USP2: variants seen among roughly 807,000 people sequenced by gnomAD.
USP2 encodes ubiquitin specific peptidase 2, also known as ubiquitin carboxyl-terminal hydrolase 2.
In USP2, 33 loss-of-function variants were observed where a neutral mutation model predicts 72.0. That is an observed-to-expected ratio of 0.46 (90% CI 0.35 to 0.61). The LOEUF is 0.61. USP2 is among the 20% of genes least tolerant of loss of function. USP2 has a pLI of 0.01. For synonymous variants in USP2, 296 were observed against 312.5 expected (o/e 0.95, Z 0.56); for missense variants, 691 against 797.8 (o/e 0.87, Z 1.61).
intron 1 of USP2, among the ~76,000 whole-genome samples, chr11:119,375,049 T>C (rs1196984989): frequency 6.6e-6 from 1 of 152,130 alleles, no homozygotes; most frequent in African/African-American, 2.4e-5. Context: ...TGTGATAATA[T>C]CAGGGCTGGC....
chr11:119,357,605 A>G lies in USP2; in HGVS notation c.1502-15T>C. 2 of 1,614,170 alleles carry G rather than the reference A, an allele frequency of 1.2e-6. No homozygotes were observed. Among genetic ancestry groups the G allele is most frequent in the Non-Finnish European group, 1.7e-6 (2 of 1,180,036 alleles). On this transcript the variant is annotated splice_polypyrimidine_tract_variant and intron_variant, in intron 10 of 12. Coordinates refer to ENST00000260187, the MANE Select transcript of USP2 (RefSeq NM_004205.5). ...CCGCTTCAGATCTGGCATTGACGTG[A>G]GTCAAGGATAGTCAAACCAATGCAG...
In USP2 at chr11:119,360,229, A is replaced by G; in HGVS notation, c.780T>C (p.Ser260=). The change falls in exon 3 of 13, where the codon TCT becomes TCC. Residue 260 remains serine (S), a synonymous_variant. Transcript: ENST00000260187. ...GACCAGCCAGACCCTGGGCACTCTT[A>G]GAATTCTGTAAGCAAAGAACATATG... is the stretch of plus-strand genomic sequence containing the variant. The part of the protein sequence containing the change: ...SSSPGRDGMN[S]KSAQGLAGLR... 6.2e-7 allele frequency: 1 copy of G among 1,614,008 alleles called. No homozygotes were observed. Among genetic ancestry groups the G allele is most frequent in the Non-Finnish European group, 8.5e-7 (1 of 1,179,970 alleles).
In USP2 at chr11:119,357,805, A is replaced by G; in HGVS notation, c.1453T>C (p.Cys485Arg). Residue 485 changes from cysteine (C) to arginine (R), a missense_variant, in exon 10 of 13, where the codon TGT becomes CGT. Coordinates refer to ENST00000260187, the MANE Select transcript of USP2 (RefSeq NM_004205.5). Reference protein sequence around the residue: ...TCCRCRGRKRCIKKFSIQRFP... With the variant: ...TCCRCRGRKRRIKKFSIQRFP... The stretch of plus-strand genomic sequence containing the variant: ...CTCTGGATGGAGAACTTCTTTATAC[A>G]CCGTTTTCTGCCTCGGCAGCGACAG... 2 of 1,613,900 alleles carry G rather than the reference A, an allele frequency of 1.2e-6. No homozygotes were observed. Among genetic ancestry groups the G allele is most frequent in the Non-Finnish European group, 8.5e-7 (1 of 1,180,008 alleles).
intron 2 of USP2, among the ~76,000 whole-genome samples, chr11:119,364,991 C>T (rs1016109864): frequency 1.3e-5 from 2 of 152,082 alleles, no homozygotes; most frequent in Non-Finnish European, 2.9e-5. Flanking sequence ...TGGCATGGGG[C>T]GAGTGTTCTA....
chr11:119,369,140 C>G (rs1036778021), intron 2 of USP2, among the ~76,000 whole-genome samples: 1 of 152,132 alleles, frequency 6.6e-6, no homozygotes, highest in African/African-American at 2.4e-5. Flanking sequence ...CACTGTTCCT[C>G]CTCTCTGCAT....
chr11:119,365,893 G>GTTTTTT (rs1317666327), intron 2 of USP2, among the ~76,000 whole-genome samples: 1 of 131,266 alleles, frequency 7.6e-6, no homozygotes, highest in African/African-American at 2.8e-5. Context: ...TATTTTATTT[G>GTTTTTT]TTTTGTTTTT....
At chr11:119,376,786 G>A (rs1246059888) in intron 1 of USP2, among the ~76,000 whole-genome samples, 1 of 152,262 alleles carries the variant, frequency 6.6e-6, no homozygotes, top group Non-Finnish European at 1.5e-5. Context: ...GGCATGTTGA[G>A]TACTTCACAT....
rs199985069 is a variant in USP2 at position 119,372,885 on chromosome 11, A to T, written c.596T>A (p.Leu199Gln). The change falls in exon 2 of 13, where the codon CTG becomes CAG. Residue 199 changes from leucine (L) to glutamine (Q), a missense_variant. Leu to Gln is a moderately radical substitution (Grantham distance 113). Transcript: ENST00000260187. The stretch of plus-strand genomic sequence containing the variant: ...ACTGCCCTTGCGACCATAGTTCTCC[A>T]GGTAGTCGACCAGGTATTCAGGGCA... ...ASCPEYLVDY[L>Q]ENYGRKGSAS... 69 of 1,609,518 alleles carry T rather than the reference A, an allele frequency of 4.3e-5. 1 individual carries two copies. In the Admixed American group the frequency reaches 5.0e-4, roughly 12 times the overall value.
chr11:119,373,340 C>A lies in USP2; in HGVS notation c.141G>T (p.Glu47Asp), dbSNP rs768935027. ...ANLAASLLEK[E>D]KLGFKPVPTS... is the part of the protein sequence containing the mutation. Reference sequence around the variant, plus strand: ...TGGGGACCGGCTTGAAACCAAGTTTCTCCTTCTCCAGTAAGGAGGCAGCCA... The same window carrying A: ...TGGGGACCGGCTTGAAACCAAGTTTATCCTTCTCCAGTAAGGAGGCAGCCA... The change falls in exon 2 of 13, where the codon GAG (glutamate) becomes GAT (aspartate). Residue 47 changes from glutamate to aspartate, a missense_variant. Physicochemically the swap from Glu to Asp is conservative, Grantham distance 45 (BLOSUM62 2). Transcript: ENST00000260187. 3 of 1,612,952 alleles carry A rather than the reference C, an allele frequency of 1.9e-6. No homozygotes were observed. The African/African-American group carries it at 4.0e-5, about 22-fold the overall frequency.
At chr11:119,359,865 A>G (rs1374577371) in intron 3 of USP2, among the ~76,000 whole-genome samples, 1 of 152,188 alleles carries the variant, frequency 6.6e-6, no homozygotes, top group East Asian at 1.9e-4. Context: ...CTAATTGGTT[A>G]TTTACTATAG....
intron 2 of USP2, among the ~76,000 whole-genome samples, chr11:119,370,827 C>T (rs1398362569): frequency 2.0e-5 from 3 of 152,162 alleles, no homozygotes; most frequent in Admixed American, 2.0e-4. Context: ...GGTCCTCTCT[C>T]AAAATTCCCT....
At position 119,372,859 on chromosome 11, in the gene USP2, C is replaced by G; in HGVS notation, c.622G>C (p.Ala208Pro). 6.2e-7 allele frequency: 1 copy of G among 1,607,424 alleles called. No homozygotes were observed. Among genetic ancestry groups the G allele is most frequent in the Middle Eastern group, 1.7e-4 (1 of 6,012 alleles). ...GGGGCCTGGGAGGGCACCTGAGATGCACTGCCCTTGCGACCATAGTTCTCC... is the reference window on the plus strand; with the variant it reads ...GGGGCCTGGGAGGGCACCTGAGATGGACTGCCCTTGCGACCATAGTTCTCC... ...YLENYGRKGSASQVPSQAPPS... is the reference protein window; with the variant it reads ...YLENYGRKGSPSQVPSQAPPS... Residue 208 changes from alanine to proline, a missense_variant, in exon 2 of 13, where the codon GCA becomes CCA. Ala to Pro is a conservative substitution (Grantham distance 27, BLOSUM62 -1). Transcript: ENST00000260187.
intron 1 of USP2, among the ~76,000 whole-genome samples, chr11:119,377,186 A>G (rs1362240401): frequency 6.6e-6 from 1 of 152,192 alleles, no homozygotes; most frequent in Non-Finnish European, 1.5e-5. Flanking sequence ...TATCACGTCC[A>G]TTTGCAGATG....
At chr11:119,376,537 C>T (rs980242275) in intron 1 of USP2, among the ~76,000 whole-genome samples, 7 of 152,378 alleles carry the variant, frequency 4.6e-5, no homozygotes, top group East Asian at 1.9e-4. Context: ...TCCAGGTGTC[C>T]GCCACCTTGG....
At chr11:119,362,139 C>T (rs1251650585) in intron 2 of USP2, among the ~76,000 whole-genome samples, 19 of 152,150 alleles carry the variant, frequency 1.2e-4, no homozygotes, top group South Asian at 2.1e-4. Context: ...CACTGGTGAC[C>T]GTGTCAATGT....
intron 2 of USP2, among the ~76,000 whole-genome samples, chr11:119,363,123 C>G (rs948840012): frequency 6.6e-6 from 1 of 152,248 alleles, no homozygotes; most frequent in African/African-American, 2.4e-5. Context: ...AGCTAGGAAG[C>G]CTGGTGTGGC....
chr11:119,370,605 G>A (rs554972228), intron 2 of USP2, among the ~76,000 whole-genome samples: 190 of 30,784 alleles, frequency 6.2e-3, no homozygotes, highest in Admixed American at 0.033. Flanking sequence ...AGGAAATGAC[G>A]ATAAGGGGTG....
rs140655116 is a variant in USP2 at position 119,369,207 on chromosome 11, G to C, written c.774+3500C>G. ...CCTCATTATACAAGTGCTGAGCTGC[G>C]CCCCCCTGGCCTGGCATTTTGTTGG... On this transcript the variant is annotated intron_variant, in intron 2 of 12. Transcript: ENST00000260187. Among the ~76,000 whole-genome samples, 1,107 of 152,234 alleles carry C rather than the reference G, an allele frequency of 7.3e-3. 14 individuals carry two copies. Among genetic ancestry groups the C allele is most frequent in the African/African-American group, 0.025 (1,047 of 41,536 alleles).
intron 2 of USP2, among the ~76,000 whole-genome samples, chr11:119,368,463 A>G (rs1269783953): frequency 6.6e-6 from 1 of 152,206 alleles, no homozygotes; most frequent in East Asian, 1.9e-4. Context: ...TCTTTGGAGT[A>G]ACCTCCGCTC....
Sources: allele counts gnomAD v4.1 joint callset (sites outside exome capture counted in the v4.1 genomes callset), GRCh38; gene constraint gnomAD v4.1.1; transcripts MANE v1.5; gene names NCBI Gene and HGNC (gene_info 2026-07-23, HGNC 2026-07-21).